The following HYDIN variants were observed in gnomAD, a reference collection of about 807,000 sequenced individuals.
HYDIN encodes HYDIN axonemal central pair apparatus protein.
HYDIN carries 132 observed loss-of-function variants against 403.9 expected under a neutral mutation model. The ratio of observed to expected loss-of-function variants is 0.33; its 90% CI spans 0.28 to 0.38. The LOEUF (loss-of-function observed/expected upper bound fraction) is 0.38. HYDIN is among the 10% of genes least tolerant of loss of function. The pLI, the probability that HYDIN is intolerant of heterozygous loss-of-function variation, is 1.00. For synonymous variants in HYDIN, 1,202 were observed against 1,891.7 expected, an observed-to-expected ratio of 0.64 and a Z score of 9.46; for missense variants, 2,827 against 5,009.5, an observed-to-expected ratio of 0.56 and a Z score of 13.15.
intron 73 of HYDIN, among the ~76,000 whole-genome samples, chr16:70,853,666 A>G (rs2038816466): frequency 7.0e-6 from 1 of 142,930 alleles, no homozygotes; most frequent in Non-Finnish European, 1.5e-5. Flanking sequence ...AGAGGAAAGT[A>G]TTGGATTCCA....
At chr16:71,074,385 A>G (rs1311578105) in intron 13 of HYDIN, among the ~76,000 whole-genome samples, 2 of 150,580 alleles carry the variant, frequency 1.3e-5, no homozygotes, top group Non-Finnish European at 1.5e-5. Flanking sequence ...GGTAATAATT[A>G]GAAAGTTTCA....
chr16:70,976,872 A>C (rs2078903168), intron 30 of HYDIN, among the ~76,000 whole-genome samples: 1 of 152,176 alleles, frequency 6.6e-6, no homozygotes, highest in South Asian at 2.1e-4. Flanking sequence ...AGGGAAGGTT[A>C]ATGTGTGCCA....
intron 6 of HYDIN, among the ~76,000 whole-genome samples, chr16:71,161,713 A>C (rs1303348967): frequency 6.6e-6 from 1 of 151,726 alleles, no homozygotes; most frequent in Non-Finnish European, 1.5e-5. Context: ...TTTTAACATT[A>C]GCTGATCAGC....
intron 77 of HYDIN, 63 bp downstream of exon 77, chr16:70,837,627 A>G: frequency 1.3e-6 from 2 of 1,595,156 alleles, no homozygotes; most frequent in African/African-American, 1.3e-5. Flanking sequence ...CTGGGGGGCA[A>G]AGAAGGATGA....
intron 21 of HYDIN, among the ~76,000 whole-genome samples, chr16:71,021,579 G>C (rs1297568393): frequency 6.6e-6 from 1 of 152,114 alleles, no homozygotes. Context: ...TTTCTGGCCA[G>C]ACTGGATTTT....
At chr16:71,103,849 T>G (rs1284235480) in intron 10 of HYDIN, among the ~76,000 whole-genome samples, 2 of 152,192 alleles carry the variant, frequency 1.3e-5, no homozygotes, top group East Asian at 3.8e-4. Flanking sequence ...AGAAATGGCA[T>G]TAAGATGTCA....
At chr16:70,902,830 T>A (rs2076430034) in intron 52 of HYDIN, among the ~76,000 whole-genome samples, 1 of 135,616 alleles carries the variant, frequency 7.4e-6, no homozygotes, top group African/African-American at 3.1e-5. Flanking sequence ...TATTTTTTTT[T>A]TTTTTTTTGT....
chr16:71,127,032 A>G (rs2084493517), intron 9 of HYDIN, among the ~76,000 whole-genome samples: 1 of 152,134 alleles, frequency 6.6e-6, no homozygotes, highest in South Asian at 2.1e-4. Flanking sequence ...ACAAACGAGA[A>G]CTGTATTTAT....
intron 45 of HYDIN, among the ~76,000 whole-genome samples, chr16:70,928,151 T>TA (rs1428726787): frequency 5.9e-5 from 9 of 152,050 alleles, no homozygotes; most frequent in Admixed American, 6.6e-5. Context: ...GTTTGTGCAT[T>TA]AAAAAATATA....
At chr16:70,847,311 CAGAT>C (rs1322903729) in intron 75 of HYDIN, among the ~76,000 whole-genome samples, 1 of 152,218 alleles carries the variant, frequency 6.6e-6, no homozygotes, top group Non-Finnish European at 1.5e-5. Context: ...TCTTTTAAAT[CAGAT>C]AGAAAAAGTT....
chr16:70,996,541 A>G (rs1054747324), intron 23 of HYDIN, among the ~76,000 whole-genome samples: 1 of 151,882 alleles, frequency 6.6e-6, no homozygotes, highest in Non-Finnish European at 1.5e-5. Flanking sequence ...AACCCTCCGC[A>G]TCTGATTGCT....
At chr16:71,200,522 C>T (rs1368642360) in intron 1 of HYDIN, among the ~76,000 whole-genome samples, 1 of 152,170 alleles carries the variant, frequency 6.6e-6, no homozygotes, top group African/African-American at 2.4e-5. Flanking sequence ...ATCTTGATTG[C>T]TTCATTTTAG....
intron 18 of HYDIN, among the ~76,000 whole-genome samples, chr16:71,035,699 C>A (rs983834635): frequency 3.3e-5 from 5 of 152,122 alleles, no homozygotes; most frequent in African/African-American, 4.8e-5. Context: ...TGGCTTTATA[C>A]AACAGAAGCT....
At chr16:70,830,485 C>A (rs1468146420) in intron 80 of HYDIN, among the ~76,000 whole-genome samples, 1 of 138,740 alleles carries the variant, frequency 7.2e-6, no homozygotes. Flanking sequence ...GGAGGACTTA[C>A]GAGTATTTTG....
chr16:71,067,047 T>C (rs1461072730), intron 15 of HYDIN: 1 of 640,040 alleles, frequency 1.6e-6, no homozygotes, highest in Non-Finnish European at 2.8e-6. Context: ...ACCCGTTTTT[T>C]CACTATTCTT....
intron 23 of HYDIN, among the ~76,000 whole-genome samples, chr16:70,998,710 AG>A (rs2079607744): frequency 6.9e-6 from 1 of 145,112 alleles, no homozygotes; most frequent in Non-Finnish European, 1.5e-5. Context: ...CTGTTTCTAA[AG>A]GGAGCAGATT....
chr16:70,854,156 A>G (rs1336624588), intron 73 of HYDIN, among the ~76,000 whole-genome samples: 1 of 152,132 alleles, frequency 6.6e-6, no homozygotes, highest in Non-Finnish European at 1.5e-5. Flanking sequence ...CTGGGATTAC[A>G]GGTGTAAGCC....
intron 10 of HYDIN, chr16:71,113,669 C>A (rs1370637264): frequency 6.6e-6 from 1 of 151,044 alleles, no homozygotes; most frequent in Non-Finnish European, 1.5e-5. Context: ...TCACAGCTCA[C>A]TGCAGCCTCA....
intron 1 of HYDIN, among the ~76,000 whole-genome samples, chr16:71,191,507 C>T (rs1280608040): frequency 6.6e-6 from 1 of 152,054 alleles, no homozygotes; most frequent in African/African-American, 2.4e-5. Flanking sequence ...CTGTTATAAC[C>T]AGCAAAACCC....
Sources: gnomAD v4.1 joint callset for allele counts (sites outside exome capture counted in the v4.1 genomes callset) on GRCh38, gnomAD v4.1.1 for gene constraint, MANE v1.5 for transcripts, NCBI Gene and HGNC (gene_info 2026-07-23, HGNC 2026-07-21) for gene names.